Variants in PAG1 observed in about 807,000 individuals in gnomAD.
The protein encoded by PAG1 is phosphoprotein associated with glycosphingolipid-enriched microdomains 1.
A neutral mutation model predicts 31.7 loss-of-function variants in PAG1; 23 were observed. The observed-to-expected ratio is 0.73, with a 90% CI of 0.52 to 1.03. PAG1 has a LOEUF of 1.03. Ranked by LOEUF, PAG1 falls within the 50% of genes least tolerant of loss-of-function variation. The probability of loss-of-function intolerance (pLI) is 0.00; values close to 1 mark genes in which losing one functional copy is unlikely to be tolerated. For synonymous variants in PAG1, 214 were observed against 210.3 expected, an observed-to-expected ratio of 1.02 and a Z score of -0.15; for missense variants, 473 against 540.7, an observed-to-expected ratio of 0.87 and a Z score of 1.24.
At chr8:81,067,186 A>AT (rs1199731079) in intron 2 of PAG1, among the ~76,000 whole-genome samples, 1 of 152,134 alleles carries the variant, frequency 6.6e-6, no homozygotes, top group Non-Finnish European at 1.5e-5. Flanking sequence ...AAAATTATGT[A>AT]TGTTTGCCTG....
chr8:80,980,376 A>AG, intron 8 of PAG1, 59 bp downstream of exon 8: 2 of 901,068 alleles, frequency 2.2e-6, no homozygotes, highest in Non-Finnish European at 3.7e-6. Flanking sequence ...CATTTATTCA[A>AG]GGGGGGAAGG....
At position 80,982,700 on chromosome 8, in the gene PAG1, C is replaced by A. The variant is rs569566981; in HGVS notation, c.876+2076G>T. Among the ~76,000 whole-genome samples the A allele has an allele frequency of 1.8e-4, 28 of 152,288 alleles. No homozygotes were observed. The South Asian group carries it at 5.6e-3, about 30-fold the overall frequency. On this transcript the variant is annotated intron_variant, in intron 7 of 8. Coordinates refer to ENST00000220597, the MANE Select transcript of PAG1 (RefSeq NM_018440.4). ...ACCCAACACTGACTGCTGGTTCTCC[C>A]CCCAAAACCTGCTCTGCCTGTATCC... is the stretch of plus-strand genomic sequence containing the variant.
At chr8:81,042,936 T>C (rs1365215565) in intron 2 of PAG1, among the ~76,000 whole-genome samples, 1 of 152,194 alleles carries the variant, frequency 6.6e-6, no homozygotes, top group Non-Finnish European at 1.5e-5. Flanking sequence ...GTTTCTCCAT[T>C]CTTATGCTGA....
At chr8:81,075,762 G>A (rs1203936024) in intron 1 of PAG1, among the ~76,000 whole-genome samples, 2 of 152,174 alleles carry the variant, frequency 1.3e-5, no homozygotes, top group Non-Finnish European at 2.9e-5. Context: ...ATAACACACA[G>A]CTGAAGCCCA....
chr8:81,070,857 G>A (rs10108852), intron 1 of PAG1, among the ~76,000 whole-genome samples: 7,332 of 152,136 alleles, frequency 0.048, 642 homozygotes, highest in African/African-American at 0.17. Flanking sequence ...ATCTCAAATC[G>A]AAAATTCTGT....
chr8:81,090,325 A>G (rs1332217123), intron 1 of PAG1, among the ~76,000 whole-genome samples: 2 of 152,218 alleles, frequency 1.3e-5, no homozygotes, highest in Non-Finnish European at 2.9e-5. Context: ...GATGCTTTCT[A>G]TATATTAGCT....
intron 7 of PAG1, among the ~76,000 whole-genome samples, chr8:80,983,187 C>T (rs981368515): frequency 1.3e-5 from 2 of 152,138 alleles, no homozygotes; most frequent in African/African-American, 4.8e-5. Flanking sequence ...CTTCAGGGGC[C>T]TCACACTGGG....
At chr8:81,054,182 T>C (rs752113102) in intron 2 of PAG1, among the ~76,000 whole-genome samples, 1 of 152,092 alleles carries the variant, frequency 6.6e-6, no homozygotes, top group Admixed American at 6.5e-5. Flanking sequence ...GCTAAGAAAT[T>C]TGAAAACATG....
At chr8:80,992,285 G>C (rs777639554) in intron 4 of PAG1, among the ~76,000 whole-genome samples, 1 of 152,348 alleles carries the variant, frequency 6.6e-6, no homozygotes, top group Middle Eastern at 3.4e-3. Context: ...GGTTCAGAGG[G>C]TCTTGGCTTT....
chr8:81,087,726 G>T (rs1205766201), intron 1 of PAG1, among the ~76,000 whole-genome samples: 2 of 152,178 alleles, frequency 1.3e-5, no homozygotes, highest in Admixed American at 6.5e-5. Context: ...AATGTTTCGG[G>T]GATAAGCGCA....
At chr8:81,025,465 C>T (rs1357202825) in intron 3 of PAG1, among the ~76,000 whole-genome samples, 1 of 152,140 alleles carries the variant, frequency 6.6e-6, no homozygotes, top group Non-Finnish European at 1.5e-5. Flanking sequence ...TAAGACAAGG[C>T]CTCCAGGAGC....
At chr8:81,055,075 C>CTTTTTTTTTTTT (rs773535023) in intron 2 of PAG1, among the ~76,000 whole-genome samples, 2 of 138,926 alleles carry the variant, frequency 1.4e-5, no homozygotes, top group African/African-American at 5.4e-5. Context: ...CTTTTTTTTT[C>CTTTTTTTTTTTT]TTTTTTTTTT....
chr8:80,989,187 AATGCAGCTC>A (rs1406969075), intron 5 of PAG1, among the ~76,000 whole-genome samples: 1 of 152,166 alleles, frequency 6.6e-6, no homozygotes, highest in African/African-American at 2.4e-5. Flanking sequence ...GTTTCCATCC[AATGCAGCTC>A]ATTCACGTCT....
intron 1 of PAG1, among the ~76,000 whole-genome samples, chr8:81,103,230 T>C (rs1481563299): frequency 6.6e-6 from 1 of 151,642 alleles, no homozygotes; most frequent in African/African-American, 2.4e-5. Context: ...CTGTGGCCCA[T>C]CAAATATAGA....
chr8:80,987,332 A>G, intron 6 of PAG1, 38 bp downstream of exon 6: 1 of 1,257,590 alleles, frequency 8.0e-7, no homozygotes, highest in Non-Finnish European at 1.2e-6. Flanking sequence ...AGAGGTGATG[A>G]GGCCTGTGTG....
rs771581844 is a variant in PAG1, at chr8:80,985,225, C to G, written c.427G>C (p.Asp143His). The G allele has an allele frequency of 3.1e-6, 5 of 1,614,028 alleles. No individual in the cohort carries two copies. The African/African-American group carries it at 6.7e-5, about 22-fold the overall frequency. ...ACACTTCTCGCCGTGAGCATGGTAT[C>G]CACTGCGCTCTCGGGAGGGATTCTG... is the stretch of plus-strand genomic sequence containing the variant. ...LPRIPPESAV[D>H]TMLTARSVDG... The change falls in exon 7 of 9, where the codon GAT becomes CAT. Residue 143 changes from aspartate to histidine, a missense_variant. Coordinates refer to ENST00000220597, the MANE Select transcript of PAG1 (RefSeq NM_018440.4).
intron 3 of PAG1, among the ~76,000 whole-genome samples, chr8:81,012,329 A>T (rs1447443096): frequency 6.6e-6 from 1 of 152,172 alleles, no homozygotes; most frequent in Non-Finnish European, 1.5e-5. Flanking sequence ...CCATATTGAT[A>T]ACACACTCTG....
At chr8:81,106,503 G>C (rs1339903537) in intron 1 of PAG1, among the ~76,000 whole-genome samples, 1 of 151,976 alleles carries the variant, frequency 6.6e-6, no homozygotes, top group African/African-American at 2.4e-5. Context: ...ACATTTAGGA[G>C]ACTAAATTTT....
intron 7 of PAG1, among the ~76,000 whole-genome samples, chr8:80,983,002 GT>G (rs1807339757): frequency 6.6e-6 from 1 of 152,180 alleles, no homozygotes; most frequent in African/African-American, 2.4e-5. Flanking sequence ...CATAGGCTAG[GT>G]TGTGCCATTC....
Sources: allele counts gnomAD v4.1 joint callset (sites outside exome capture counted in the v4.1 genomes callset), GRCh38; gene constraint gnomAD v4.1.1; transcripts MANE v1.5; gene names NCBI Gene and HGNC (gene_info 2026-07-23, HGNC 2026-07-21).